Variants in VDAC2 observed in about 807,000 individuals in gnomAD.
The protein encoded by VDAC2 is voltage dependent anion channel 2.
VDAC2 carries 6 observed loss-of-function variants against 36.6 expected under a neutral mutation model. The observed-to-expected ratio is 0.16, with a 90% CI of 0.09 to 0.32. The LOEUF is 0.32. VDAC2 is among the 10% of genes least tolerant of loss of function. VDAC2 has a pLI of 1.00. For synonymous variants in VDAC2, 109 were observed against 123.8 expected, an observed-to-expected ratio of 0.88 and a Z score of 0.79; for missense variants, 247 against 346.0, an observed-to-expected ratio of 0.71 and a Z score of 2.27.
chr10:75,229,419 C>A (rs997357550), intron 8 of VDAC2: 5 of 390,336 alleles, frequency 1.3e-5, no homozygotes, highest in South Asian at 1.2e-4. Flanking sequence ...TGGATACATT[C>A]CAGTGGCTAT....
At position 75,229,630 on chromosome 10, in the gene VDAC2, G is replaced by T. The variant is rs1410423096; in HGVS notation, c.736-14G>T. The T allele has an allele frequency of 2.5e-6, 4 of 1,588,982 alleles. No individual in the cohort carries two copies. The highest frequency in any genetic ancestry group is 1.1e-5 in the South Asian group (1 of 86,964). ...AAATATTTTTCTTACAGTTGTTTTT[G>T]TATTTTATTTTAGGCAAAAGTCAAC... On this transcript the variant is annotated splice_polypyrimidine_tract_variant and intron_variant, in intron 8 of 9. Coordinates refer to ENST00000332211, the MANE Select transcript of VDAC2 (RefSeq NM_001391963.1).
intron 4 of VDAC2, among the ~76,000 whole-genome samples, chr10:75,216,286 A>G (rs1841602659): frequency 6.6e-6 from 1 of 152,040 alleles, no homozygotes; most frequent in African/African-American, 2.4e-5. Flanking sequence ...TGGAGAGACA[A>G]AATAAACTGA....
At chr10:75,218,408 C>T (rs530535526) in intron 4 of VDAC2, among the ~76,000 whole-genome samples, 29 of 152,178 alleles carry the variant, frequency 1.9e-4, no homozygotes, top group African/African-American at 4.8e-5. Flanking sequence ...AGCCACCACA[C>T]TCAGTCCCCC....
At chr10:75,229,044 C>A (rs931682593) in intron 8 of VDAC2, among the ~76,000 whole-genome samples, 2 of 152,174 alleles carry the variant, frequency 1.3e-5, no homozygotes, top group African/African-American at 2.4e-5. Flanking sequence ...TCCTCCCAAA[C>A]GCAGTGGTTA....
intron 6 of VDAC2, 65 bp downstream of exon 6, chr10:75,219,421 G>A: frequency 7.4e-7 from 1 of 1,355,416 alleles, no homozygotes; most frequent in Non-Finnish European, 1.0e-6. Context: ...ATTTAGAAAA[G>A]GTGTACATTT....
intron 8 of VDAC2, among the ~76,000 whole-genome samples, chr10:75,224,494 AC>A: frequency 6.6e-6 from 1 of 152,088 alleles, no homozygotes. Flanking sequence ...TCAGATGGTC[AC>A]CCCTGCTATG....
chr10:75,218,133 T>C, intron 4 of VDAC2: 1 of 356,944 alleles, frequency 2.8e-6, no homozygotes, highest in South Asian at 2.1e-5. Flanking sequence ...ATTTTTTCTT[T>C]TTCAGTTCGT....
rs953313775 is a variant in VDAC2, at chr10:75,229,507, C to T, written c.736-137C>T. ...ATTAAATAGTACCTGGTTTGTTTGGCTTAATACATAATATTGAATTTTATT... is the reference window on the plus strand; with the variant it reads ...ATTAAATAGTACCTGGTTTGTTTGGTTTAATACATAATATTGAATTTTATT... On this transcript the variant is annotated intron_variant, in intron 8 of 9. Coordinates refer to ENST00000332211, the MANE Select transcript of VDAC2 (RefSeq NM_001391963.1). 3 of 640,258 alleles carry T rather than the reference C, an allele frequency of 4.7e-6. No individual in the cohort carries two copies. The African/African-American group carries it at 5.7e-5, about 12-fold the overall frequency. 39.7% of individuals were successfully genotyped at this position (640,258 alleles called of 1,614,324 possible).
chr10:75,227,110 G>A (rs1350547898), intron 8 of VDAC2, among the ~76,000 whole-genome samples: 1 of 152,186 alleles, frequency 6.6e-6, no homozygotes, highest in Non-Finnish European at 1.5e-5. Context: ...GACCCTTCAA[G>A]ACCTCACCTA....
chr10:75,217,637 T>G (rs1226081718), intron 4 of VDAC2, among the ~76,000 whole-genome samples: 2 of 152,116 alleles, frequency 1.3e-5, no homozygotes, highest in Non-Finnish European at 2.9e-5. Context: ...CTTGGCCTCC[T>G]GAAGTGCTGG....
chr10:75,211,418 C>A, intron 2 of VDAC2: 1 of 1,458,404 alleles, frequency 6.9e-7, no homozygotes, highest in Non-Finnish European at 9.1e-7. Context: ...GACTTTTCAG[C>A]CTTTGTACAT....
At chr10:75,229,314 T>G in intron 8 of VDAC2, 1 of 180,802 alleles carries the variant, frequency 5.5e-6, no homozygotes, top group Non-Finnish European at 1.2e-5. Flanking sequence ...TTGTACCACA[T>G]TTTGGTCTGG....
Position 75,220,755 on chromosome 10 carries a change from T to C in VDAC2, c.369T>C (p.Gly123=). ...GTTCTTTTTCCAGAAAGAAAAGTGG[T>C]AAAATCAAGTCTTCTTACAAGAGGG... ...TFSPNTGKKS[G]KIKSSYKREC... Residue 123 remains glycine, a synonymous_variant, in exon 7 of 10, where the codon GGT becomes GGC. Transcript: ENST00000332211. The C allele has an allele frequency of 3.7e-6, 6 of 1,608,560 alleles. No individual in the cohort carries two copies. The highest frequency in any genetic ancestry group is 2.7e-5 in the African/African-American group (2 of 74,854).
intron 4 of VDAC2, chr10:75,217,765 G>T (rs1438559040): frequency 2.1e-5 from 10 of 471,794 alleles, no homozygotes; most frequent in Non-Finnish European, 3.1e-5. Flanking sequence ...GGAGAGTGAT[G>T]TAAGACCTAA....
chr10:75,212,401 T>C (rs1180215790), intron 3 of VDAC2, 103 bp downstream of exon 3: 3 of 1,069,968 alleles, frequency 2.8e-6, no homozygotes, highest in Non-Finnish European at 4.0e-6. Context: ...AATATCTTGC[T>C]GCTTTAAATT....
At chr10:75,213,692 T>G (rs1007288345) in intron 3 of VDAC2, among the ~76,000 whole-genome samples, 1 of 152,014 alleles carries the variant, frequency 6.6e-6, no homozygotes, top group Admixed American at 6.6e-5. Context: ...TGCAGTGAGC[T>G]GAGATCGTGC....
At chr10:75,230,389 T>A (rs1024720958) in intron 9 of VDAC2, among the ~76,000 whole-genome samples, 1 of 152,184 alleles carries the variant, frequency 6.6e-6, no homozygotes, top group Admixed American at 6.6e-5. Context: ...CACATACTTT[T>A]AAAAAAATGT....
intron 8 of VDAC2, among the ~76,000 whole-genome samples, chr10:75,223,705 G>T (rs1841882785): frequency 6.6e-6 from 1 of 152,206 alleles, no homozygotes; most frequent in South Asian, 2.1e-4. Context: ...ACTGGTGGCT[G>T]GCCACCTTTA....
At position 75,217,611 on chromosome 10, in the gene VDAC2, C is replaced by T. The variant is rs146358086; in HGVS notation, c.151-1452C>T. On this transcript the variant is annotated intron_variant, in intron 4 of 9. Transcript: ENST00000332211. The stretch of plus-strand genomic sequence containing the variant: ...TAGGCTGGTCTCAAACTCCCTACCT[C>T]AAGTGATCGGCCCGCCTTGGCCTCC... Among the ~76,000 whole-genome samples, 12 of 152,276 alleles carry T rather than the reference C, an allele frequency of 7.9e-5. No homozygotes were observed. In the East Asian group the frequency reaches 2.1e-3, roughly 27 times the overall value.
Sources: gnomAD v4.1 joint callset for allele counts (sites outside exome capture counted in the v4.1 genomes callset) on GRCh38, gnomAD v4.1.1 for gene constraint, MANE v1.5 for transcripts, NCBI Gene and HGNC (gene_info 2026-07-23, HGNC 2026-07-21) for gene names.